The following RBFOX1 variants were observed in gnomAD, a reference collection of about 807,000 sequenced individuals.
RBFOX1 encodes the protein RNA binding protein fox-1 homolog 1.
A neutral mutation model predicts 57.7 loss-of-function variants in RBFOX1; 8 were observed. The ratio of observed to expected loss-of-function variants is 0.14; its 90% CI spans 0.08 to 0.25. The LOEUF (loss-of-function observed/expected upper bound fraction) is 0.25, where lower values mean the gene tolerates loss of function less well. Ranked by LOEUF, RBFOX1 falls within the 10% of genes least tolerant of loss-of-function variation. The pLI, the probability that RBFOX1 is intolerant of heterozygous loss-of-function variation, is 1.00. For missense variants in RBFOX1, 611 were observed against 548.5 expected (o/e 1.11, Z -1.14); for synonymous variants, 326 against 222.4 (o/e 1.47, Z -4.15).
At chr16:5,403,490 C>T (rs748654503) in intron 1 of RBFOX1, among the ~76,000 whole-genome samples, 1 of 152,106 alleles carries the variant, frequency 6.6e-6, no homozygotes, top group Non-Finnish European at 1.5e-5. Context: ...GCTGCCCAGG[C>T]TGGAGTGCAG....
chr16:5,349,182 C>G (rs988767706), intron 1 of RBFOX1, among the ~76,000 whole-genome samples: 3 of 152,116 alleles, frequency 2.0e-5, no homozygotes, highest in Non-Finnish European at 2.9e-5. Context: ...GGGAAGTAAA[C>G]CAATCACCGA....
At position 5,718,696 on chromosome 16, in the gene RBFOX1, C is replaced by T. The variant is rs563886157; in HGVS notation, c.318+119735C>T. 2.1e-3 allele frequency among the ~76,000 whole-genome samples: 315 copies of T among 152,210 alleles called. 1 individual carries two copies. Among genetic ancestry groups the T allele is most frequent in the Middle Eastern group, 0.01 (3 of 294 alleles). ...CCAAGGCAGGTGGATCACCTGAAGT[C>T]AGGAGTTTGAGACCAGCCTGGCCGA... On this transcript the variant is annotated intron_variant, in intron 3 of 19. Transcript: ENST00000641259.
chr16:7,682,674 C>A (rs1056374218), intron 14 of RBFOX1, among the ~76,000 whole-genome samples: 1 of 151,298 alleles, frequency 6.6e-6, no homozygotes, highest in Non-Finnish European at 1.5e-5. Flanking sequence ...TCACTCATGC[C>A]TTTATTTACA....
intron 2 of RBFOX1, among the ~76,000 whole-genome samples, chr16:6,589,505 G>C (rs138106595): frequency 6.6e-5 from 10 of 152,284 alleles, no homozygotes; most frequent in African/African-American, 2.2e-4. Context: ...GATCCATATG[G>C]GTGATGCCCA....
chr16:6,221,019 T>G (rs1398009668), intron 1 of RBFOX1, among the ~76,000 whole-genome samples: 4 of 152,142 alleles, frequency 2.6e-5, no homozygotes, highest in African/African-American at 9.7e-5. Flanking sequence ...GTCATTATAT[T>G]AGGTGAAATT....
At chr16:6,820,378 A>G (rs1327536380) in intron 3 of RBFOX1, among the ~76,000 whole-genome samples, 1 of 152,206 alleles carries the variant, frequency 6.6e-6, no homozygotes, top group Non-Finnish European at 1.5e-5. Context: ...TAACTGTGAT[A>G]GGCCCAACAC....
intron 4 of RBFOX1, among the ~76,000 whole-genome samples, chr16:7,060,810 G>A (rs531486058): frequency 2.7e-4 from 41 of 152,286 alleles, no homozygotes; most frequent in African/African-American, 9.1e-4. Flanking sequence ...AGTCTGGTAA[G>A]TTCCCTCTCT....
intron 3 of RBFOX1, among the ~76,000 whole-genome samples, chr16:5,714,153 A>G (rs1019034726): frequency 6.6e-5 from 10 of 152,344 alleles, no homozygotes; most frequent in Admixed American, 2.6e-4. Flanking sequence ...CATACTTGGG[A>G]TACCTTGCAG....
chr16:6,515,355 A>T (rs564588818), intron 2 of RBFOX1, among the ~76,000 whole-genome samples: 1 of 152,336 alleles, frequency 6.6e-6, no homozygotes, highest in Middle Eastern at 3.4e-3. Flanking sequence ...CTACTCAAAC[A>T]ACCTTCAGAA....
At chr16:6,050,268 G>A (rs755863380) in intron 1 of RBFOX1, among the ~76,000 whole-genome samples, 55 of 152,092 alleles carry the variant, frequency 3.6e-4, no homozygotes, top group Non-Finnish European at 1.9e-4. Context: ...CCTGTATTAA[G>A]CATCTTTTAA....
chr16:7,609,153 A>G (rs1412302758), intron 10 of RBFOX1, among the ~76,000 whole-genome samples: 1 of 152,216 alleles, frequency 6.6e-6, no homozygotes, highest in East Asian at 1.9e-4. Context: ...GACTAAAGAA[A>G]TGTCAGTTTC....
chr16:6,414,677 G>T (rs2093570632), intron 2 of RBFOX1, among the ~76,000 whole-genome samples: 1 of 152,306 alleles, frequency 6.6e-6, no homozygotes, highest in African/African-American at 2.4e-5. Context: ...ATTGTAGACT[G>T]TGTGCCAGTC....
chr16:7,514,520 C>T (rs111901112), intron 4 of RBFOX1, among the ~76,000 whole-genome samples: 4 of 152,232 alleles, frequency 2.6e-5, no homozygotes, highest in African/African-American at 7.2e-5. Context: ...GTGCTTGGTG[C>T]TGTGTGAGCT....
chr16:6,582,817 T>C (rs536512045), intron 2 of RBFOX1, among the ~76,000 whole-genome samples: 2 of 136,644 alleles, frequency 1.5e-5, no homozygotes, highest in South Asian at 2.7e-4. Flanking sequence ...CCTCCCCTCC[T>C]CACCCCTTTT....
At chr16:7,559,090 G>A (rs1003206232) in intron 5 of RBFOX1, among the ~76,000 whole-genome samples, 1 of 152,192 alleles carries the variant, frequency 6.6e-6, no homozygotes, top group East Asian at 1.9e-4. Context: ...ATAGGAGAAA[G>A]GTTCAGAGGC....
At chr16:6,055,718 C>T (rs2095607042) in intron 1 of RBFOX1, among the ~76,000 whole-genome samples, 1 of 151,272 alleles carries the variant, frequency 6.6e-6, no homozygotes, top group Non-Finnish European at 1.5e-5. Flanking sequence ...AGTGTGAAGA[C>T]TTCAGAAGGA....
At chr16:6,817,667 C>A (rs1352206339) in intron 3 of RBFOX1, among the ~76,000 whole-genome samples, 2 of 151,672 alleles carry the variant, frequency 1.3e-5, no homozygotes, top group East Asian at 1.9e-4. Context: ...TGCACCACTG[C>A]ACTCCAGCCT....
rs563866357 is a variant in RBFOX1 at position 6,728,212 on chromosome 16, C to A, written c.-16+73562C>A. 2.0e-5 allele frequency among the ~76,000 whole-genome samples: 3 copies of A among 152,304 alleles called. No homozygotes were observed. The East Asian group carries it at 5.8e-4, about 29-fold the overall frequency. On this transcript the variant is annotated intron_variant, in intron 3 of 15. Transcript: ENST00000550418. ...GTCACTTCTTACGGTCATTGTATCA[C>A]CTTAAGTGAAGCTTCTGCAGGACTG...
chr16:6,186,345 G>A (rs955207192), intron 1 of RBFOX1, among the ~76,000 whole-genome samples: 2 of 152,088 alleles, frequency 1.3e-5, no homozygotes, highest in Non-Finnish European at 2.9e-5. Flanking sequence ...AAGAAGGAGA[G>A]GTTATGAATT....
Sources: allele counts gnomAD v4.1 joint callset (sites outside exome capture counted in the v4.1 genomes callset), GRCh38; gene constraint gnomAD v4.1.1; transcripts MANE v1.5; gene names NCBI Gene and HGNC (gene_info 2026-07-23, HGNC 2026-07-21).